TAC4: variants seen among roughly 807,000 people sequenced by gnomAD.
TAC4 encodes the protein tachykinin precursor 4.
In TAC4, 17 loss-of-function variants were observed where a neutral mutation model predicts 17.7. The ratio of observed to expected loss-of-function variants is 0.96; its 90% CI spans 0.66 to 1.44. The LOEUF (loss-of-function observed/expected upper bound fraction) is 1.44, where lower values mean the gene tolerates loss of function less well. Ranked by LOEUF, TAC4 falls within the 40% of genes most tolerant of loss-of-function variation. The pLI is 0.00. For missense variants in TAC4, 118 were observed against 125.6 expected, an observed-to-expected ratio of 0.94 and a Z score of 0.29; for synonymous variants, 62 against 52.4, an observed-to-expected ratio of 1.18 and a Z score of -0.79.
At position 49,840,000 on chromosome 17, in the gene TAC4, C is replaced by T. The variant is rs372355310; in HGVS notation, c.233-91G>A. 118 of 1,304,604 alleles carry T rather than the reference C, an allele frequency of 9.0e-5. No homozygotes were observed. The African/African-American group carries it at 1.4e-3, about 16-fold the overall frequency. The allele number at this position is 1,304,604 out of a possible 1,614,324, so 80.8% of individuals were successfully genotyped here. ...GGAAGGACAAAGGACAGGGCCAGGG[C>T]GAGGGCCGGGGCCAGGGCTGGGGCC... On this transcript the variant is annotated intron_variant, in intron 3 of 4. Transcript: ENST00000436235.
chr17:49,841,654 G>A (rs1037907889), intron 2 of TAC4, 70 bp from the exon 3 acceptor site: 8 of 1,453,164 alleles, frequency 5.5e-6, no homozygotes, highest in Non-Finnish European at 7.3e-6. Flanking sequence ...AGGTGGAAAA[G>A]GCTCCAGTTC....
intron 1 of TAC4, chr17:49,847,265 G>GT: frequency 7.0e-6 from 9 of 1,288,514 alleles, no homozygotes; most frequent in Non-Finnish European, 9.1e-6. Context: ...TGGCTTGTTG[G>GT]TATCTGTCCC....
At chr17:49,841,450 C>G (rs1288989062) in intron 3 of TAC4, 102 bp downstream of exon 3, 5 of 1,288,664 alleles carry the variant, frequency 3.9e-6, no homozygotes, top group Admixed American at 2.8e-5. Context: ...CTGGCTTGCC[C>G]CTGGCCAGAG....
intron 1 of TAC4, 132 bp from the exon 2 acceptor site, chr17:49,844,289 C>G: frequency 1.4e-6 from 1 of 738,232 alleles, no homozygotes; most frequent in Non-Finnish European, 2.4e-6. Context: ...CACTGGGCAC[C>G]TCAGCATATT....
At chr17:49,839,519 T>C (rs901331911) in intron 4 of TAC4, among the ~76,000 whole-genome samples, 1 of 152,204 alleles carries the variant, frequency 6.6e-6, no homozygotes, top group African/African-American at 2.4e-5. Flanking sequence ...ATTAGAGCTT[T>C]GCAAACAGTG....
At chr17:49,847,680 C>CACACACAG (rs1758734615) in intron 1 of TAC4, 2 of 521,562 alleles carry the variant, frequency 3.8e-6, no homozygotes, top group South Asian at 2.1e-5. Flanking sequence ...TACACACACA[C>CACACACAG]ACACACACAC....
At chr17:49,839,734 A>G in intron 4 of TAC4, 116 bp downstream of exon 4, 1 of 972,174 alleles carries the variant, frequency 1.0e-6, no homozygotes, top group Non-Finnish European at 1.5e-6. Flanking sequence ...CCTCCCCATG[A>G]TGGCTTGTGG....
intron 1 of TAC4, among the ~76,000 whole-genome samples, chr17:49,844,498 C>T (rs914260359): frequency 1.3e-5 from 2 of 151,858 alleles, no homozygotes; most frequent in African/African-American, 4.8e-5. Flanking sequence ...TGGCTCACAC[C>T]TGTAATCCCG....
intron 4 of TAC4, 69 bp from the exon 5 acceptor site, chr17:49,838,742 T>C: frequency 6.5e-7 from 1 of 1,544,562 alleles, no homozygotes; most frequent in Non-Finnish European, 8.8e-7. Context: ...CCCTTAGAAG[T>C]CTTCCCTAGT....
chr17:49,839,947 AGCAGAGGTAG>A (rs753828796), intron 3 of TAC4, 38 bp from the exon 4 acceptor site: 1 of 1,604,780 alleles, frequency 6.2e-7, no homozygotes, highest in Admixed American at 1.7e-5. Context: ...GGAGAGAGGC[AGCAGAGGTAG>A]GCTGTTTTGG....
rs77014095 is a variant in TAC4, at chr17:49,839,055, C to A, written c.293-382G>T. Among the ~76,000 whole-genome samples the A allele has an allele frequency of 5.3e-3, 812 of 152,268 alleles. 2 individuals carry two copies. The highest frequency in any genetic ancestry group is 8.7e-3 in the Non-Finnish European group (590 of 68,002). ...ATCTCTGAAAAATGATGACTGACTC[C>A]TAGTATTCCTGCCCACACCATGCAT... On this transcript the variant is annotated intron_variant, in intron 4 of 4. Coordinates refer to ENST00000436235, the MANE Select transcript of TAC4 (RefSeq NM_001077506.2).
chr17:49,845,509 A>G (rs1294564220), intron 1 of TAC4, among the ~76,000 whole-genome samples: 1 of 152,194 alleles, frequency 6.6e-6, no homozygotes, highest in East Asian at 1.9e-4. Context: ...CCTTGCACAC[A>G]TAGGAGCCCA....
At chr17:49,847,081 G>A (rs1365864908) in intron 1 of TAC4, 1 of 1,289,892 alleles carries the variant, frequency 7.8e-7, no homozygotes, top group Non-Finnish European at 1.0e-6. Context: ...CTCTTCCCGT[G>A]GCTCCATTTC....
chr17:49,840,434 G>A (rs1293762858), intron 3 of TAC4, among the ~76,000 whole-genome samples: 2 of 152,206 alleles, frequency 1.3e-5, no homozygotes, highest in Admixed American at 6.5e-5. Flanking sequence ...GATGCGGTGA[G>A]TCGCATTAGG....
chr17:49,846,469 G>A (rs1315761161), intron 1 of TAC4, among the ~76,000 whole-genome samples: 2 of 152,078 alleles, frequency 1.3e-5, no homozygotes, highest in Non-Finnish European at 2.9e-5. Flanking sequence ...GTAGAGATGG[G>A]TCTTTCTATG....
chr17:49,847,566 AGTC>A (rs1208866318), intron 1 of TAC4: 1 of 350,064 alleles, frequency 2.9e-6, no homozygotes, highest in Non-Finnish European at 5.5e-6. Context: ...AATGAGGGGT[AGTC>A]ATGATACCTT....
At chr17:49,842,257 G>A (rs1307548331) in intron 2 of TAC4, among the ~76,000 whole-genome samples, 1 of 151,928 alleles carries the variant, frequency 6.6e-6, no homozygotes, top group Non-Finnish European at 1.5e-5. Flanking sequence ...TGGGCCGGGC[G>A]CGTTGGCTCA....
At position 49,847,112 on chromosome 17, in the gene TAC4, A is replaced by T. The variant is rs752811007; in HGVS notation, c.105+801T>A. On this transcript the variant is annotated intron_variant, in intron 1 of 4. Transcript: ENST00000436235. ...ATTTCTAAGCGCCTCCGAGGACCTCATCGTGGCCCAGGACCGCAAGCCAAG... is the reference window on the plus strand; with the variant it reads ...ATTTCTAAGCGCCTCCGAGGACCTCTTCGTGGCCCAGGACCGCAAGCCAAG... The T allele has an allele frequency of 7.0e-6, 9 of 1,289,824 alleles. No individual in the cohort carries two copies. In the South Asian group the frequency reaches 1.1e-4, roughly 16 times the overall value. 79.9% of individuals were successfully genotyped at this position (1,289,824 alleles called of 1,614,324 possible). A position where few individuals can be genotyped will look rare whatever the true frequency, so the allele number is the denominator to read the frequency against.
At position 49,848,002 on chromosome 17, in the gene TAC4, C is replaced by T. The variant is rs776223037; in HGVS notation, c.16G>A (p.Ala6Thr). The T allele has an allele frequency of 1.4e-5, 23 of 1,614,128 alleles. No individual in the cohort carries two copies. Among genetic ancestry groups the T allele is most frequent in the South Asian group, 2.2e-5 (2 of 91,082 alleles). The change falls in exon 1 of 5, where the codon GCC becomes ACC. Residue 6 changes from alanine (A) to threonine (T), a missense_variant. Transcript: ENST00000436235. ...GACAGCTCCATCAGGAGAAGCAGGG[C>T]GAGGCAAGGCAGCATGGTGAGCCTG... MLPCL[A>T]LLLLMELSVC...
Sources: allele counts gnomAD v4.1 joint callset (sites outside exome capture counted in the v4.1 genomes callset), GRCh38; gene constraint gnomAD v4.1.1; transcripts MANE v1.5; gene names NCBI Gene and HGNC (gene_info 2026-07-23, HGNC 2026-07-21).